Variants in FOXP2 observed in about 807,000 individuals in gnomAD.
The protein encoded by FOXP2 is forkhead box P2.
FOXP2 carries 12 observed loss-of-function variants against 115.8 expected under a neutral mutation model. The observed-to-expected ratio is 0.10, with a 90% CI of 0.07 to 0.17. The LOEUF (loss-of-function observed/expected upper bound fraction) is 0.17, where lower values mean the gene tolerates loss of function less well. Among genes scored for constraint, FOXP2 ranks in the 10% least tolerant of loss-of-function variants. FOXP2 has a pLI of 1.00. For missense variants in FOXP2, 629 were observed against 843.5 expected (o/e 0.75, Z 3.15); for synonymous variants, 328 against 297.7 (o/e 1.10, Z -1.05).
chr7:114,302,140 G>T (rs1458178001), intron 2 of FOXP2, among the ~76,000 whole-genome samples: 1 of 152,084 alleles, frequency 6.6e-6, no homozygotes, highest in African/African-American at 2.4e-5. Flanking sequence ...ATTGACTTCT[G>T]TCTTACATGT....
intron 1 of FOXP2, among the ~76,000 whole-genome samples, chr7:114,174,154 G>A (rs897093304): frequency 6.6e-6 from 1 of 151,876 alleles, no homozygotes; most frequent in African/African-American, 2.4e-5. Context: ...AAATAAATGT[G>A]TGTGTATGCT....
chr7:114,593,771 ACTT>A (rs1367590904), intron 3 of FOXP2, among the ~76,000 whole-genome samples: 1 of 152,024 alleles, frequency 6.6e-6, no homozygotes, highest in African/African-American at 2.4e-5. Flanking sequence ...TTTTATAAGA[ACTT>A]AACTGTCAAA....
chr7:114,386,605 T>C (rs1792460611), intron 2 of FOXP2, among the ~76,000 whole-genome samples: 1 of 152,204 alleles, frequency 6.6e-6, no homozygotes, highest in Non-Finnish European at 1.5e-5. Flanking sequence ...ATTTTTGGTT[T>C]CACCTTTGAA....
At chr7:114,552,990 T>G (rs1203388818) in intron 3 of FOXP2, among the ~76,000 whole-genome samples, 3 of 152,148 alleles carry the variant, frequency 2.0e-5, no homozygotes, top group African/African-American at 4.8e-5. Flanking sequence ...AGAAAATAGT[T>G]CTCTCTCCCA....
chr7:114,309,668 C>T (rs2129179802), intron 2 of FOXP2, among the ~76,000 whole-genome samples: 1 of 151,994 alleles, frequency 6.6e-6, no homozygotes, highest in African/African-American at 2.4e-5. Context: ...AAGGGAGATA[C>T]ATATTTTTTT....
intron 2 of FOXP2, among the ~76,000 whole-genome samples, chr7:114,346,440 A>G (rs1219530581): frequency 2.6e-5 from 4 of 151,866 alleles, no homozygotes; most frequent in Admixed American, 2.6e-4. Flanking sequence ...TGTATAGTCA[A>G]TGGAAATAGA....
intron 2 of FOXP2, among the ~76,000 whole-genome samples, chr7:114,321,131 G>A (rs2129181425): frequency 6.6e-6 from 1 of 152,034 alleles, no homozygotes; most frequent in Admixed American, 6.6e-5. Flanking sequence ...GGAGAGTTAG[G>A]TAACAAGGAG....
intron 2 of FOXP2, among the ~76,000 whole-genome samples, chr7:114,341,745 A>G (rs1791222463): frequency 6.6e-6 from 1 of 151,100 alleles, no homozygotes; most frequent in Non-Finnish European, 1.5e-5. Context: ...TCATTCCCTC[A>G]TTAGCTAACT....
intron 8 of FOXP2, 68 bp from the exon 9 acceptor site, chr7:114,652,135 T>TGTAGCGCTTTTG: frequency 6.9e-7 from 1 of 1,443,532 alleles, no homozygotes; most frequent in Non-Finnish European, 9.7e-7. Flanking sequence ...TAGTGCTTTT[T>TGTAGCGCTTTTG]AAGTGTAGCC....
chr7:114,678,409 G>T (rs1807889423), intron 16 of FOXP2, among the ~76,000 whole-genome samples: 2 of 152,096 alleles, frequency 1.3e-5, no homozygotes, highest in South Asian at 4.1e-4. Context: ...TTTCCAAGCT[G>T]CTGATATGTA....
chr7:114,619,938 G>A (rs1804154679), intron 3 of FOXP2, among the ~76,000 whole-genome samples: 1 of 152,030 alleles, frequency 6.6e-6, no homozygotes, highest in Non-Finnish European at 1.5e-5. Context: ...CAGTACACAT[G>A]TAAATGTCAT....
At chr7:114,400,774 CTATG>C (rs1218440806) in intron 2 of FOXP2, among the ~76,000 whole-genome samples, 2 of 152,230 alleles carry the variant, frequency 1.3e-5, no homozygotes, top group African/African-American at 2.4e-5. Flanking sequence ...TCACCTCCTG[CTATG>C]TGGCCCAGTT....
At chr7:114,117,528 T>C (rs760460525) in intron 1 of FOXP2, among the ~76,000 whole-genome samples, 1 of 152,132 alleles carries the variant, frequency 6.6e-6, no homozygotes, top group Non-Finnish European at 1.5e-5. Context: ...TCAAACTTTG[T>C]TTGATCTTTA....
At chr7:114,485,692 A>G (rs1017169754) in intron 2 of FOXP2, among the ~76,000 whole-genome samples, 1 of 152,094 alleles carries the variant, frequency 6.6e-6, no homozygotes, top group Non-Finnish European at 1.5e-5. Context: ...AACACCCTAC[A>G]TTTTTGGGAT....
chr7:114,444,539 A>G (rs1794745710), intron 2 of FOXP2, among the ~76,000 whole-genome samples: 3 of 152,178 alleles, frequency 2.0e-5, no homozygotes, highest in Admixed American at 2.0e-4. Flanking sequence ...CTTTCTCACT[A>G]GTACAGCTTT....
intron 3 of FOXP2, among the ~76,000 whole-genome samples, chr7:114,557,092 A>G (rs1015099443): frequency 1.3e-5 from 2 of 152,220 alleles, no homozygotes; most frequent in African/African-American, 4.8e-5. Context: ...TTGCTTGAAA[A>G]TTAATAAATC....
At chr7:114,360,909 T>A (rs1330802839) in intron 2 of FOXP2, among the ~76,000 whole-genome samples, 2 of 152,156 alleles carry the variant, frequency 1.3e-5, no homozygotes, top group Non-Finnish European at 2.9e-5. Context: ...TATTTAGCAT[T>A]TCATGGACAA....
At chr7:114,465,609 A>G (rs556001213) in intron 2 of FOXP2, among the ~76,000 whole-genome samples, 6 of 152,330 alleles carry the variant, frequency 3.9e-5, no homozygotes, top group Admixed American at 2.6e-4. Context: ...GTTCTCTGTC[A>G]CTTTTAGGAT....
chr7:114,208,141 A>G (rs1310743275), intron 1 of FOXP2, among the ~76,000 whole-genome samples: 1 of 152,178 alleles, frequency 6.6e-6, no homozygotes, highest in African/African-American at 2.4e-5. Flanking sequence ...CATGAAAGCA[A>G]CTGGGAGAGA....
Sources: allele counts gnomAD v4.1 joint callset (sites outside exome capture counted in the v4.1 genomes callset), GRCh38; gene constraint gnomAD v4.1.1; transcripts MANE v1.5; gene names NCBI Gene and HGNC (gene_info 2026-07-23, HGNC 2026-07-21).